The following PLXNA4 variants were observed in gnomAD, a reference collection of about 807,000 sequenced individuals.
The protein encoded by PLXNA4 is plexin-A4.
In PLXNA4, 44 loss-of-function variants were observed where a neutral mutation model predicts 191.8. The ratio of observed to expected loss-of-function variants is 0.23; its 90% CI spans 0.18 to 0.29. The LOEUF (loss-of-function observed/expected upper bound fraction) is 0.29, where lower values mean the gene tolerates loss of function less well. PLXNA4 is among the 10% of genes least tolerant of loss of function. The pLI, the probability that PLXNA4 is intolerant of heterozygous loss-of-function variation, is 1.00. For missense variants in PLXNA4, 1,800 were observed against 2,488.8 expected, an observed-to-expected ratio of 0.72 and a Z score of 5.89; for synonymous variants, 1,082 against 1,009.5, an observed-to-expected ratio of 1.07 and a Z score of -1.36.
chr7:132,401,375 C>T (rs1381732070), intron 3 of PLXNA4, among the ~76,000 whole-genome samples: 1 of 152,200 alleles, frequency 6.6e-6, no homozygotes, highest in Non-Finnish European at 1.5e-5. Flanking sequence ...GCAGCCTGAG[C>T]ATCAGAGTTT....
chr7:132,194,734 CT>C (rs1258501772), intron 13 of PLXNA4, among the ~76,000 whole-genome samples: 2 of 152,090 alleles, frequency 1.3e-5, no homozygotes, highest in Non-Finnish European at 2.9e-5. Context: ...CGTGTGTGAA[CT>C]TTTTCCTTTC....
At chr7:132,150,960 C>T (rs1321859961) in intron 25 of PLXNA4, among the ~76,000 whole-genome samples, 1 of 152,138 alleles carries the variant, frequency 6.6e-6, no homozygotes, top group African/African-American at 2.4e-5. Flanking sequence ...CCTCCATGCC[C>T]CTATCCAAAA....
intron 3 of PLXNA4, among the ~76,000 whole-genome samples, chr7:132,437,005 G>T (rs188013147): frequency 9.8e-4 from 149 of 152,294 alleles, no homozygotes; most frequent in African/African-American, 3.2e-3. Context: ...CCCTACAGAT[G>T]CTCCATCGCC....
intron 3 of PLXNA4, among the ~76,000 whole-genome samples, chr7:132,321,493 A>G (rs1295045401): frequency 1.2e-4 from 19 of 152,008 alleles, no homozygotes; most frequent in Admixed American, 1.2e-3. Flanking sequence ...AGCAACTCCC[A>G]TAAACAGCAG....
chr7:132,372,198 A>G (rs1804469549), intron 3 of PLXNA4, among the ~76,000 whole-genome samples: 2 of 152,328 alleles, frequency 1.3e-5, no homozygotes, highest in Middle Eastern at 3.4e-3. Flanking sequence ...CTATTGAGCA[A>G]AGGTATCACC....
chr7:132,498,290 G>A (rs1233105878), intron 2 of PLXNA4, among the ~76,000 whole-genome samples: 4 of 152,142 alleles, frequency 2.6e-5, no homozygotes. Context: ...TCCATTTGCT[G>A]ATAAAGACAT....
chr7:132,435,159 G>A (rs761414796), intron 3 of PLXNA4, among the ~76,000 whole-genome samples: 2 of 152,070 alleles, frequency 1.3e-5, no homozygotes, highest in African/African-American at 4.8e-5. Context: ...ACAGACCCAC[G>A]TCCTCATTTA....
At chr7:132,390,913 C>T (rs1384139976) in intron 3 of PLXNA4, among the ~76,000 whole-genome samples, 2 of 152,160 alleles carry the variant, frequency 1.3e-5, no homozygotes, top group Non-Finnish European at 2.9e-5. Context: ...ACAGTAAATT[C>T]TTTGCTGGTG....
chr7:132,405,139 T>C (rs1794162194), intron 3 of PLXNA4, among the ~76,000 whole-genome samples: 1 of 152,062 alleles, frequency 6.6e-6, no homozygotes, highest in Non-Finnish European at 1.5e-5. Context: ...TTCTGAGGGA[T>C]GTATGTTTTC....
intron 2 of PLXNA4, among the ~76,000 whole-genome samples, chr7:132,624,612 T>C (rs557338282): frequency 6.6e-6 from 1 of 152,220 alleles, no homozygotes; most frequent in South Asian, 2.1e-4. Flanking sequence ...GGCTACTCAA[T>C]CTTGGAAAGG....
chr7:132,188,998 G>GGAGAGGAGAGGAGAGGAGAGGAAAGGAAA (rs1562908835), intron 14 of PLXNA4, among the ~76,000 whole-genome samples: 2 of 50,998 alleles, frequency 3.9e-5, no homozygotes, highest in Admixed American at 4.5e-4. Flanking sequence ...GGAAAGGAGA[G>GGAGAGGAGAGGAGAGGAGAGGAAAGGAAA]AGAGAGAGAG....
At chr7:132,211,873 C>A (rs983824471) in intron 9 of PLXNA4, among the ~76,000 whole-genome samples, 2 of 152,230 alleles carry the variant, frequency 1.3e-5, no homozygotes, top group African/African-American at 4.8e-5. Flanking sequence ...TCACTGGGCC[C>A]CTTTTTCCTG....
At chr7:132,223,208 A>G (rs190025130) in intron 9 of PLXNA4, among the ~76,000 whole-genome samples, 44 of 152,162 alleles carry the variant, frequency 2.9e-4, no homozygotes, top group Admixed American at 2.6e-3. Context: ...ACTTACAATT[A>G]TTTCTAGGAC....
chr7:132,269,094 T>A (rs1022317816), intron 4 of PLXNA4, among the ~76,000 whole-genome samples: 8 of 152,154 alleles, frequency 5.3e-5, no homozygotes, highest in African/African-American at 1.9e-4. Flanking sequence ...CCTCTGGCTC[T>A]CCACATTGGG....
chr7:132,454,006 T>G (rs1274278364), intron 3 of PLXNA4, among the ~76,000 whole-genome samples: 1 of 152,248 alleles, frequency 6.6e-6, no homozygotes, highest in Non-Finnish European at 1.5e-5. Context: ...CACCACATGC[T>G]GAGCACACCC....
chr7:132,516,228 A>G (rs1457530301), intron 1 of PLXNA4, among the ~76,000 whole-genome samples: 3 of 67,094 alleles, frequency 4.5e-5, no homozygotes, highest in African/African-American at 1.6e-4. Context: ...CCTTTTATTT[A>G]TTTATTTATT....
chr7:132,436,315 A>C (rs74776015), intron 3 of PLXNA4, among the ~76,000 whole-genome samples: 2,714 of 152,324 alleles, frequency 0.018, 73 homozygotes, highest in African/African-American at 0.062. Context: ...TCTGGTTTAT[A>C]TTTTAAGCAG....
At chr7:132,539,888 G>T (rs1799995497) in intron 1 of PLXNA4, among the ~76,000 whole-genome samples, 2 of 152,196 alleles carry the variant, frequency 1.3e-5, no homozygotes, top group Non-Finnish European at 2.9e-5. Flanking sequence ...AGCTATCAAA[G>T]ATATCTTAAT....
In PLXNA4 at chr7:132,363,659, T is replaced by C. The variant is rs533868021; in HGVS notation, c.1372-65437A>G. ...CGAGTAATTCTACTATGAATATGGT[T>C]GTACATCTGTTTGAGCTCCTGCTTT... On this transcript the variant is annotated intron_variant, in intron 3 of 31. Coordinates refer to ENST00000321063, the MANE Select transcript of PLXNA4 (RefSeq NM_020911.2). Among the ~76,000 whole-genome samples, 368 of 152,376 alleles carry C rather than the reference T, an allele frequency of 2.4e-3. 1 individual carries two copies. Among genetic ancestry groups the C allele is most frequent in the African/African-American group, 8.4e-3 (351 of 41,596 alleles).
Sources: allele counts gnomAD v4.1 joint callset (sites outside exome capture counted in the v4.1 genomes callset), GRCh38; gene constraint gnomAD v4.1.1; transcripts MANE v1.5; gene names NCBI Gene and HGNC (gene_info 2026-07-23, HGNC 2026-07-21).